Variants in PGM2 observed in about 807,000 individuals in gnomAD.
PGM2 encodes phosphoglucomutase 2, also known as phosphopentomutase.
A neutral mutation model predicts 74.6 loss-of-function variants in PGM2; 57 were observed. That is an observed-to-expected ratio of 0.76 (90% CI 0.62 to 0.95). The LOEUF is 0.95. PGM2 is among the 40% of genes least tolerant of loss of function. PGM2 has a pLI of 0.00. For synonymous variants in PGM2, 273 were observed against 260.7 expected (o/e 1.05, Z -0.46); for missense variants, 706 against 741.9 (o/e 0.95, Z 0.56).
intron 11 of PGM2, among the ~76,000 whole-genome samples, chr4:37,849,231 C>T (rs188751582): frequency 3.3e-5 from 5 of 152,068 alleles, no homozygotes; most frequent in Admixed American, 3.3e-4. Flanking sequence ...GATTGAATGT[C>T]TTCATAATAC....
intron 13 of PGM2, 79 bp downstream of exon 13, chr4:37,855,820 G>A: frequency 8.3e-7 from 1 of 1,210,718 alleles, no homozygotes; most frequent in South Asian, 1.8e-5. Context: ...CAAGTGAAAT[G>A]TTCCATCTTT....
At position 37,834,737 on chromosome 4, in the gene PGM2, T is replaced by G; in HGVS notation, c.356+13T>G. The G allele has an allele frequency of 3.3e-6, 4 of 1,205,246 alleles. No homozygotes were observed. The highest frequency in any genetic ancestry group is 4.8e-6 in the Non-Finnish European group (4 of 830,332). The allele number at this position is 1,205,246 out of a possible 1,614,324, so 74.7% of individuals were successfully genotyped here. On this transcript the variant is annotated intron_variant, in intron 3 of 13. Transcript: ENST00000381967. ...GTAGCAGCAGAAGGTATTTAAACAT[T>G]TTTACAAAATGATGTTTTTATAATT... is the stretch of plus-strand genomic sequence containing the variant.
At chr4:37,830,922 G>A (rs1348502649) in intron 2 of PGM2, among the ~76,000 whole-genome samples, 2 of 152,094 alleles carry the variant, frequency 1.3e-5, no homozygotes, top group East Asian at 1.9e-4. Flanking sequence ...GGCCAGGCGC[G>A]ATGGCTCACA....
At position 37,826,717 on chromosome 4, in the gene PGM2, T is replaced by C. The variant is rs1437714107; in HGVS notation, c.-16T>C. ...CACCGCCTGCTTCCCTCTGCAGCGGTAGCACAAGCTCAGCGATGGCGGCTC... is the reference window on the plus strand; with the variant it reads ...CACCGCCTGCTTCCCTCTGCAGCGGCAGCACAAGCTCAGCGATGGCGGCTC... On this transcript the variant is annotated 5_prime_UTR_variant, in exon 1 of 14. Coordinates refer to ENST00000381967, the MANE Select transcript of PGM2 (RefSeq NM_018290.4). 3.2e-6 allele frequency: 5 copies of C among 1,545,492 alleles called. No homozygotes were observed. The highest frequency in any genetic ancestry group is 4.4e-6 in the Non-Finnish European group (5 of 1,142,222).
At chr4:37,846,488 A>G (rs879614558) in intron 8 of PGM2, among the ~76,000 whole-genome samples, 1 of 152,246 alleles carries the variant, frequency 6.6e-6, no homozygotes, top group Non-Finnish European at 1.5e-5. Context: ...CTGACCATTT[A>G]GGACTGAGCT....
At chr4:37,834,404 A>G (rs909372821) in intron 2 of PGM2, among the ~76,000 whole-genome samples, 8 of 152,214 alleles carry the variant, frequency 5.3e-5, no homozygotes, top group African/African-American at 1.9e-4. Context: ...TAAGTGATCA[A>G]TGACTAACAC....
At chr4:37,846,478 C>CCAT (rs1725875163) in intron 8 of PGM2, among the ~76,000 whole-genome samples, 18 of 152,204 alleles carry the variant, frequency 1.2e-4, no homozygotes, top group Admixed American at 1.0e-3. Context: ...CTCTGATGTT[C>CCAT]TGACCATTTA....
intron 8 of PGM2, 135 bp downstream of exon 8, chr4:37,845,865 C>T: frequency 1.6e-6 from 1 of 643,414 alleles, no homozygotes. Context: ...TTCACTGAAC[C>T]TCCTGTAGAG....
At chr4:37,848,335 A>G (rs1725934851) in intron 10 of PGM2, among the ~76,000 whole-genome samples, 187 bp from the exon 11 acceptor site, 1 of 152,254 alleles carries the variant, frequency 6.6e-6, no homozygotes, top group Non-Finnish European at 1.5e-5. Context: ...CAGGTTCTTC[A>G]GCAAATACTT....
rs771447058 is a variant in PGM2 at position 37,847,237 on chromosome 4, A to G, written c.1224A>G (p.Arg408=). ...CTGGCTTTAAGTGGATGGGAAACAG[A>G]GCCAAACAGCTAATAGACCAGGGGA... ...TLTGFKWMGN[R]AKQLIDQGKT... The change falls in exon 10 of 14, where the codon AGA becomes AGG. Residue 408 remains arginine, a synonymous_variant. Transcript: ENST00000381967. The G allele has an allele frequency of 1.2e-6, 2 of 1,614,010 alleles. No individual in the cohort carries two copies. Among genetic ancestry groups the G allele is most frequent in the Admixed American group, 3.3e-5 (2 of 60,020 alleles).
intron 6 of PGM2, among the ~76,000 whole-genome samples, chr4:37,843,286 G>A (rs928609038): frequency 2.6e-5 from 4 of 152,174 alleles, no homozygotes; most frequent in African/African-American, 9.7e-5. Context: ...TAAAATCCAA[G>A]AGAGTTGTTT....
chr4:37,827,188 A>C (rs1484472641), intron 1 of PGM2, among the ~76,000 whole-genome samples: 1 of 152,200 alleles, frequency 6.6e-6, no homozygotes, highest in Admixed American at 6.5e-5. Context: ...TCGGCTGTGC[A>C]TCCCCATGGA....
chr4:37,839,369 C>G (rs1014890965), intron 4 of PGM2: 1 of 346,522 alleles, frequency 2.9e-6, no homozygotes, highest in Non-Finnish European at 5.7e-6. Flanking sequence ...CCTGTCTTGG[C>G]CTCTCAAAGT....
At chr4:37,846,305 G>T (rs1725870181) in intron 8 of PGM2, among the ~76,000 whole-genome samples, 1 of 150,886 alleles carries the variant, frequency 6.6e-6, no homozygotes, top group Admixed American at 6.6e-5. Context: ...TTTGGGGGCA[G>T]GAGGGTGCTG....
In PGM2 at chr4:37,834,695, T is replaced by C; in HGVS notation, c.327T>C (p.Ala109=). Residue 109 remains alanine (A), a synonymous_variant, in exon 3 of 14, where the codon GCT becomes GCC. Coordinates refer to ENST00000381967, the MANE Select transcript of PGM2 (RefSeq NM_018290.4). ...TCGTGATCAGTTTTGACGCCCGAGC[T>C]CATCCATCCAGTGGGGGTAGCAGCA... ...KGIVISFDAR[A]HPSSGGSSRR... The C allele has an allele frequency of 6.3e-7, 1 of 1,580,054 alleles. No individual in the cohort carries two copies. Among genetic ancestry groups the C allele is most frequent in the Non-Finnish European group, 8.7e-7 (1 of 1,150,916 alleles).
At chr4:37,855,518 T>C in intron 12 of PGM2, 90 bp from the exon 13 acceptor site, 1 of 1,142,676 alleles carries the variant, frequency 8.8e-7, no homozygotes, top group Non-Finnish European at 1.2e-6. Flanking sequence ...TAGATTTGTT[T>C]GGCATTTATT....
At chr4:37,856,648 TGTAA>T (rs1726208930) in intron 13 of PGM2, among the ~76,000 whole-genome samples, 1 of 152,164 alleles carries the variant, frequency 6.6e-6, no homozygotes, top group South Asian at 2.1e-4. Flanking sequence ...CCTTAGTGTG[TGTAA>T]GTGTGATACT....
rs144912517 is a variant in PGM2 at position 37,861,583 on chromosome 4, A to T, written c.1810A>T (p.Lys604Ter). ...AIEEHFFQPQ[K>*]YNLQPKAD The stretch of plus-strand genomic sequence containing the variant: ...TGAAGAACATTTTTTCCAGCCACAG[A>T]AGTACAATCTGCAGCCAAAAGCAGA... The change falls in exon 14 of 14, where the codon AAG (lysine) becomes TAG (stop). Residue 604 changes from lysine (K) to a stop codon, truncating the protein, a stop_gained. Coordinates refer to ENST00000381967, the MANE Select transcript of PGM2 (RefSeq NM_018290.4). LOFTEE classifies it high-confidence loss of function. 2 of 1,612,998 alleles carry T rather than the reference A, an allele frequency of 1.2e-6. No individual in the cohort carries two copies. Among genetic ancestry groups the T allele is most frequent in the Non-Finnish European group, 1.7e-6 (2 of 1,179,048 alleles).
chr4:37,844,353 T>G lies in PGM2; in HGVS notation c.720-11T>G. ...GCCTTGTATCATTTTCCACTGTGTA[T>G]CTGATTCTAGGAGCGTGAACAGGGA... On this transcript the variant is annotated splice_polypyrimidine_tract_variant and intron_variant, in intron 6 of 13. Coordinates refer to ENST00000381967, the MANE Select transcript of PGM2 (RefSeq NM_018290.4). The G allele has an allele frequency of 5.7e-6, 9 of 1,582,466 alleles. No individual in the cohort carries two copies. The highest frequency in any genetic ancestry group is 7.8e-6 in the Non-Finnish European group (9 of 1,159,578).
Sources: allele counts gnomAD v4.1 joint callset (sites outside exome capture counted in the v4.1 genomes callset), GRCh38; gene constraint gnomAD v4.1.1; transcripts MANE v1.5; gene names NCBI Gene and HGNC (gene_info 2026-07-23, HGNC 2026-07-21).